NEGR1: variants seen among roughly 807,000 people sequenced by gnomAD.
NEGR1 encodes neuronal growth regulator 1, also known as IgLON family member 4.
Under a neutral mutation model 40.9 loss-of-function variants are expected in NEGR1, and 10 were observed. The observed-to-expected ratio is 0.24, with a 90% CI of 0.15 to 0.42. The LOEUF (loss-of-function observed/expected upper bound fraction) is 0.42, where lower values mean the gene tolerates loss of function less well. NEGR1 is among the 10% of genes least tolerant of loss of function. The pLI is 1.00. For missense variants in NEGR1, 352 were observed against 438.9 expected (o/e 0.80, Z 1.77); for synonymous variants, 185 against 166.8 (o/e 1.11, Z -0.84).
rs534345704 is a variant in NEGR1, at chr1:71,483,936, A to G, written c.941-76366T>C. ...AGGATTTTTTTTCACCTAGATTCCT[A>G]TTCCTTAGAAGCAAAGAGTGAAAAA... On this transcript the variant is annotated intron_variant, in intron 6 of 6. Transcript: ENST00000357731. 2.0e-5 allele frequency among the ~76,000 whole-genome samples: 3 copies of G among 151,858 alleles called. No individual in the cohort carries two copies. In the South Asian group the frequency reaches 6.2e-4, roughly 32 times the overall value.
chr1:71,973,786 A>G (rs1329895632), intron 1 of NEGR1, among the ~76,000 whole-genome samples: 1 of 152,320 alleles, frequency 6.6e-6, no homozygotes, highest in East Asian at 1.9e-4. Context: ...ATTGGAACCA[A>G]AGAGGATGTC....
At chr1:71,728,532 G>T (rs1453355328) in intron 3 of NEGR1, among the ~76,000 whole-genome samples, 1 of 151,928 alleles carries the variant, frequency 6.6e-6, no homozygotes, top group African/African-American at 2.4e-5. Flanking sequence ...TTTCTTACAT[G>T]TTCTCAACAT....
chr1:71,797,096 C>T (rs947803881), intron 2 of NEGR1, among the ~76,000 whole-genome samples: 1 of 152,018 alleles, frequency 6.6e-6, no homozygotes. Context: ...GACGGGAATG[C>T]CAAAGGAGAG....
intron 2 of NEGR1, among the ~76,000 whole-genome samples, chr1:71,784,067 G>C (rs922188894): frequency 6.6e-6 from 1 of 152,158 alleles, no homozygotes; most frequent in African/African-American, 2.4e-5. Context: ...AGGGGATGCT[G>C]ATATTGGACA....
chr1:71,936,381 C>G (rs540797836), intron 1 of NEGR1, among the ~76,000 whole-genome samples: 4 of 152,204 alleles, frequency 2.6e-5, no homozygotes, highest in African/African-American at 9.6e-5. Flanking sequence ...AAGTTTTAGT[C>G]TAGCGAGGAA....
intron 1 of NEGR1, among the ~76,000 whole-genome samples, chr1:71,935,956 G>A (rs1316086426): frequency 6.6e-6 from 1 of 151,992 alleles, no homozygotes; most frequent in African/African-American, 2.4e-5. Flanking sequence ...CTGCCACTGT[G>A]CCCAGCTAAT....
At chr1:72,243,307 G>A (rs945129129) in intron 1 of NEGR1, among the ~76,000 whole-genome samples, 1 of 151,708 alleles carries the variant, frequency 6.6e-6, no homozygotes, top group Non-Finnish European at 1.5e-5. Flanking sequence ...TCTTAGGTAG[G>A]AGGATAAATA....
intron 6 of NEGR1, among the ~76,000 whole-genome samples, chr1:71,500,371 A>G (rs182476911): frequency 6.6e-6 from 1 of 152,144 alleles, no homozygotes; most frequent in African/African-American, 2.4e-5. Flanking sequence ...CTTAGTCTGA[A>G]CTTTCCACCA....
At chr1:72,027,796 T>C (rs1282094255) in intron 1 of NEGR1, among the ~76,000 whole-genome samples, 2 of 152,184 alleles carry the variant, frequency 1.3e-5, no homozygotes, top group Non-Finnish European at 2.9e-5. Context: ...ACTCAAAGGG[T>C]GATCCCTGGA....
chr1:71,676,956 AGCTTGG>A (rs2101606026), intron 4 of NEGR1, among the ~76,000 whole-genome samples: 1 of 152,300 alleles, frequency 6.6e-6, no homozygotes, highest in South Asian at 2.1e-4. Context: ...TGCAGTTTAA[AGCTTGG>A]GCTTTCCAAT....
At chr1:71,704,043 A>T (rs1310713324) in intron 3 of NEGR1, among the ~76,000 whole-genome samples, 1 of 151,978 alleles carries the variant, frequency 6.6e-6, no homozygotes, top group Non-Finnish European at 1.5e-5. Context: ...AAAATCTAAA[A>T]AGGAGCCAGA....
intron 1 of NEGR1, among the ~76,000 whole-genome samples, chr1:72,079,086 A>AATATATATATATATATAT (rs67575298): frequency 0.011 from 1,509 of 142,060 alleles, 8 homozygotes; most frequent in East Asian, 0.035. Context: ...CATTTAACAG[A>AATATATATATATATATAT]ATATATATAT....
At chr1:71,857,307 T>A (rs967478534) in intron 2 of NEGR1, among the ~76,000 whole-genome samples, 1 of 151,640 alleles carries the variant, frequency 6.6e-6, no homozygotes, top group Admixed American at 6.6e-5. Flanking sequence ...CATTTTCTCA[T>A]CTGAAAAATC....
chr1:71,657,409 C>T (rs1651914244), intron 4 of NEGR1, among the ~76,000 whole-genome samples: 1 of 152,182 alleles, frequency 6.6e-6, no homozygotes, highest in Admixed American at 6.5e-5. Context: ...AACATGAATG[C>T]TCACTTTTTC....
intron 1 of NEGR1, among the ~76,000 whole-genome samples, chr1:72,165,166 A>G (rs1651722606): frequency 6.6e-6 from 1 of 152,086 alleles, no homozygotes; most frequent in Admixed American, 6.6e-5. Flanking sequence ...GGAGAGGAGA[A>G]GAGCATAACA....
chr1:71,668,866 T>G (rs911362468), intron 4 of NEGR1, among the ~76,000 whole-genome samples: 1 of 152,176 alleles, frequency 6.6e-6, no homozygotes, highest in African/African-American at 2.4e-5. Context: ...AAGGGCAGTC[T>G]GCTTGGCGTG....
chr1:72,122,648 T>C (rs1649847285), intron 1 of NEGR1, among the ~76,000 whole-genome samples: 1 of 151,940 alleles, frequency 6.6e-6, no homozygotes, highest in South Asian at 2.1e-4. Flanking sequence ...CACAATGAGC[T>C]GTTTATAGAA....
chr1:71,852,204 G>A (rs1233098281), intron 2 of NEGR1, among the ~76,000 whole-genome samples: 1 of 152,056 alleles, frequency 6.6e-6, no homozygotes, highest in Non-Finnish European at 1.5e-5. Flanking sequence ...AGATTGCACT[G>A]GAGACAGACA....
At position 71,405,608 on chromosome 1, in the gene NEGR1, T is replaced by C. The variant is rs1460454723; in HGVS notation, c.*1838A>G. ...TATTATTGCCATTTTGTGGAAAGAG[T>C]ATACTTATGTCCCCTCATTTAAGAT... On this transcript the variant is annotated 3_prime_UTR_variant, in exon 7 of 7. Transcript: ENST00000357731. 1 of 151,908 alleles carries C rather than the reference T, an allele frequency of 6.6e-6. No individual in the cohort carries two copies. Among genetic ancestry groups the C allele is most frequent in the African/African-American group, 2.4e-5 (1 of 41,346 alleles). The allele number at this position is 151,908 out of a possible 1,614,324, so 9.4% of individuals were successfully genotyped here.
Sources: gnomAD v4.1 joint callset for allele counts (sites outside exome capture counted in the v4.1 genomes callset) on GRCh38, gnomAD v4.1.1 for gene constraint, MANE v1.5 for transcripts, NCBI Gene and HGNC (gene_info 2026-07-23, HGNC 2026-07-21) for gene names.